Variants in AP3B1 observed in about 807,000 individuals in gnomAD.
AP3B1 encodes the protein AP-3 complex subunit beta-1.
In AP3B1, 61 loss-of-function variants were observed where a neutral mutation model predicts 132.5. The observed-to-expected ratio is 0.46, with a 90% CI of 0.37 to 0.57. AP3B1 has a LOEUF of 0.57. Ranked by LOEUF, AP3B1 falls within the 20% of genes least tolerant of loss-of-function variation. The probability of loss-of-function intolerance (pLI) is 0.00; values close to 1 mark genes in which losing one functional copy is unlikely to be tolerated. For missense variants in AP3B1, 1,120 were observed against 1,289.4 expected (o/e 0.87, Z 2.01); for synonymous variants, 388 against 438.3 (o/e 0.89, Z 1.43).
At chr5:78,279,554 C>T (rs1748950303) in intron 1 of AP3B1, among the ~76,000 whole-genome samples, 1 of 151,900 alleles carries the variant, frequency 6.6e-6, no homozygotes, top group Non-Finnish European at 1.5e-5. Flanking sequence ...TGAAATTCAA[C>T]ATTCTTCCTA....
intron 26 of AP3B1, among the ~76,000 whole-genome samples, chr5:78,005,059 T>C (rs1000449814): frequency 6.6e-6 from 1 of 152,204 alleles, no homozygotes; most frequent in Non-Finnish European, 1.5e-5. Flanking sequence ...GAGAATGCTG[T>C]TTCTATATTC....
At chr5:78,148,092 T>C (rs1054853935) in intron 14 of AP3B1, among the ~76,000 whole-genome samples, 2 of 151,818 alleles carry the variant, frequency 1.3e-5, no homozygotes, top group Non-Finnish European at 2.9e-5. Context: ...ATCAAAAGTA[T>C]CTTCTGTATC....
chr5:78,228,097 C>T, intron 4 of AP3B1, 47 bp downstream of exon 4: 3 of 1,316,188 alleles, frequency 2.3e-6, no homozygotes, highest in Non-Finnish European at 3.2e-6. Flanking sequence ...ACACTTTCAA[C>T]TCTGCAGAAA....
At position 78,240,879 on chromosome 5, in the gene AP3B1, C is replaced by T. The variant is rs1434777286; in HGVS notation, c.262G>A (p.Ala88Thr). Residue 88 changes from alanine to threonine, a missense_variant, in exon 3 of 27, where the codon GCC (alanine) becomes ACC (threonine). Coordinates refer to ENST00000255194, the MANE Select transcript of AP3B1 (RefSeq NM_003664.5). ...AACAGTACCTCAATATTTTTACTGG[C>T]CACATTCTTCACAACAGCAGGAAAC... ...ELFPAVVKNV[A>T]SKNIEIKKLV... 6.2e-7 allele frequency: 1 copy of T among 1,612,636 alleles called. No homozygotes were observed. Among genetic ancestry groups the T allele is most frequent in the Non-Finnish European group, 8.5e-7 (1 of 1,178,878 alleles).
In AP3B1 at chr5:78,113,842, G is replaced by A; in HGVS notation, c.2159C>T (p.Ser720Phe). ...ACTCTCACTGTCCTGCTCACTGGAG[G>A]AGTCCTCACTGCTGTCCTCATTGCT... ...GDSNEDSSED[S>F]SSEQDSESGR... The change falls in exon 19 of 27, where the codon TCC (serine) becomes TTC (phenylalanine). Residue 720 changes from serine to phenylalanine, a missense_variant. By Grantham distance (155) the Ser-to-Phe change is radical (BLOSUM62 -2). Around this residue, in one of 3 missense-constraint regions of AP3B1, gnomAD observed 906 missense variants for 997.1 expected, o/e 0.91. Coordinates refer to ENST00000255194, the MANE Select transcript of AP3B1 (RefSeq NM_003664.5). 1 of 1,614,190 alleles carries A rather than the reference G, an allele frequency of 6.2e-7. No homozygotes were observed. Among genetic ancestry groups the A allele is most frequent in the South Asian group, 1.1e-5 (1 of 91,082 alleles).
rs70997969 is a variant in AP3B1 at position 78,126,504 on chromosome 5, C to CAAAAAAAAAA, written c.1968+1516_1968+1525dup. Among the ~76,000 whole-genome samples, 158 of 62,370 alleles carry CAAAAAAAAAA rather than the reference C, an allele frequency of 2.5e-3. 10 individuals carry two copies. The highest frequency in any genetic ancestry group is 0.012 in the African/African-American group (150 of 12,778). The allele number at this position is 62,370 out of a possible 152,430, so 40.9% of individuals were successfully genotyped here. Reference sequence around the variant, plus strand: ...TGGGTGACAGAGCAAGACTCTGTCTCAAAAAAAAAAAAAAAAAAAAAAAAA... The same window carrying CAAAAAAAAAA: ...TGGGTGACAGAGCAAGACTCTGTCTCAAAAAAAAAAAAAAAAAAAAAAAAAAAAAAAAAAA... On this transcript the variant is annotated intron_variant, in intron 17 of 26. Transcript: ENST00000255194.
chr5:78,241,758 T>A (rs138674296), intron 2 of AP3B1, among the ~76,000 whole-genome samples: 1 of 152,342 alleles, frequency 6.6e-6, no homozygotes, highest in African/African-American at 2.4e-5. Flanking sequence ...CATCTCTAAC[T>A]AGACATCATT....
At chr5:78,216,336 A>T (rs1441311423) in intron 6 of AP3B1, 99 bp from the exon 7 acceptor site, 1 of 1,071,426 alleles carries the variant, frequency 9.3e-7, no homozygotes. Context: ...GCCAATCAGT[A>T]TTAAAGTATT....
chr5:78,002,793 C>T lies in AP3B1; in HGVS notation c.*109G>A. ...GAGACAAGAATGTCAAGAGTGTATT[C>T]TACCCCCACTGCCAGATGGAAGGGC... is the stretch of plus-strand genomic sequence containing the variant. On this transcript the variant is annotated 3_prime_UTR_variant, in exon 27 of 27. Coordinates refer to ENST00000255194, the MANE Select transcript of AP3B1 (RefSeq NM_003664.5). 2 of 1,233,664 alleles carry T rather than the reference C, an allele frequency of 1.6e-6. No homozygotes were observed. 76.4% of individuals were successfully genotyped at this position (1,233,664 alleles called of 1,614,324 possible).
At position 78,225,621 on chromosome 5, in the gene AP3B1, A is replaced by G; in HGVS notation, c.537-13T>C. On this transcript the variant is annotated splice_polypyrimidine_tract_variant and intron_variant, in intron 5 of 26. Coordinates refer to ENST00000255194, the MANE Select transcript of AP3B1 (RefSeq NM_003664.5). ...CTCTGGATCAAGGCTAAAAAATACAAAAATAACATATTAATTTTTCCCTTT... is the reference window on the plus strand; with the variant it reads ...CTCTGGATCAAGGCTAAAAAATACAGAAATAACATATTAATTTTTCCCTTT... 1 of 1,484,964 alleles carries G rather than the reference A, an allele frequency of 6.7e-7. No homozygotes were observed. The highest frequency in any genetic ancestry group is 9.4e-7 in the Non-Finnish European group (1 of 1,067,022). The allele number at this position is 1,484,964 out of a possible 1,614,324, so 92.0% of individuals were successfully genotyped here. A position where few individuals can be genotyped will look rare whatever the true frequency, so the allele number is the denominator to read the frequency against.
At chr5:78,147,099 C>T (rs373000413) in intron 14 of AP3B1, among the ~76,000 whole-genome samples, 1 of 152,060 alleles carries the variant, frequency 6.6e-6, no homozygotes, top group African/African-American at 2.4e-5. Flanking sequence ...GAGAGAAATA[C>T]ATTACAGTCA....
At chr5:78,169,774 T>C (rs1201092448) in intron 11 of AP3B1, among the ~76,000 whole-genome samples, 3 of 151,838 alleles carry the variant, frequency 2.0e-5, no homozygotes, top group African/African-American at 7.3e-5. Context: ...TATATTATTA[T>C]ACATTAAGTT....
intron 7 of AP3B1, among the ~76,000 whole-genome samples, chr5:78,183,040 T>C (rs1744433711): frequency 6.6e-6 from 1 of 152,196 alleles, no homozygotes; most frequent in Non-Finnish European, 1.5e-5. Context: ...CACCTAGTAG[T>C]AACCAAAGTC....
intron 7 of AP3B1, among the ~76,000 whole-genome samples, chr5:78,213,900 A>G (rs569221037): frequency 2.7e-4 from 41 of 152,328 alleles, no homozygotes; most frequent in Non-Finnish European, 5.0e-4. Context: ...GATCTTTCTC[A>G]AAGGAAATCA....
chr5:78,091,672 C>T (rs528750590), intron 21 of AP3B1, among the ~76,000 whole-genome samples: 1 of 152,144 alleles, frequency 6.6e-6, no homozygotes, highest in East Asian at 1.9e-4. Context: ...TAACAGAATG[C>T]TATAAACAAA....
chr5:78,020,824 C>T (rs1325503583), intron 24 of AP3B1, 35 bp from the exon 25 acceptor site: 1 of 1,478,770 alleles, frequency 6.8e-7, no homozygotes, highest in Non-Finnish European at 9.4e-7. Flanking sequence ...CTAAATGCTT[C>T]ATAAATAAAC....
intron 24 of AP3B1, among the ~76,000 whole-genome samples, chr5:78,021,413 C>T (rs1196481066): frequency 6.6e-6 from 1 of 152,018 alleles, no homozygotes; most frequent in Non-Finnish European, 1.5e-5. Context: ...TTAAGAAAGC[C>T]AACCTTGTTT....
At chr5:78,169,223 C>G (rs1235104677) in intron 11 of AP3B1, among the ~76,000 whole-genome samples, 1 of 151,748 alleles carries the variant, frequency 6.6e-6, no homozygotes. Context: ...AAACAATGCT[C>G]TTTCATAATC....
chr5:78,166,481 C>A (rs1369514286), intron 11 of AP3B1, among the ~76,000 whole-genome samples: 2 of 152,108 alleles, frequency 1.3e-5, no homozygotes. Flanking sequence ...CTATAGTCTA[C>A]CATCCCAAAT....
Sources: allele counts gnomAD v4.1 joint callset (sites outside exome capture counted in the v4.1 genomes callset), GRCh38; gene constraint gnomAD v4.1.1; regional missense constraint gnomAD v4.1.1; transcripts MANE v1.5; gene names NCBI Gene and HGNC (gene_info 2026-07-23, HGNC 2026-07-21).